The following PACRG variants were observed in gnomAD, a reference collection of about 807,000 sequenced individuals.
PACRG encodes parkin coregulated, also known as parkin coregulated gene protein.
Under a neutral mutation model 29.7 loss-of-function variants are expected in PACRG, and 29 were observed. That is an observed-to-expected ratio of 0.98 (90% CI 0.73 to 1.33). The LOEUF (loss-of-function observed/expected upper bound fraction) is 1.33, where lower values mean the gene tolerates loss of function less well. PACRG is among the 40% of genes most tolerant of loss of function. The probability of loss-of-function intolerance (pLI) is 0.00; values close to 1 mark genes in which losing one functional copy is unlikely to be tolerated. For synonymous variants in PACRG, 116 were observed against 118.7 expected (o/e 0.98, Z 0.15); for missense variants, 279 against 316.2 (o/e 0.88, Z 0.89).
chr6:163,073,537 A>T (rs1031782441), intron 3 of PACRG, among the ~76,000 whole-genome samples: 1 of 152,184 alleles, frequency 6.6e-6, no homozygotes, highest in Admixed American at 6.5e-5. Context: ...AATTTCTTGA[A>T]CAATACCTGA....
intron 2 of PACRG, among the ~76,000 whole-genome samples, chr6:162,822,141 A>G (rs568621954): frequency 2.6e-5 from 4 of 152,340 alleles, no homozygotes; most frequent in African/African-American, 7.2e-5. Flanking sequence ...ATACTGCCAC[A>G]GGAATTCTAA....
intron 2 of PACRG, among the ~76,000 whole-genome samples, chr6:162,889,103 T>C (rs1245803222): frequency 6.6e-6 from 1 of 152,196 alleles, no homozygotes; most frequent in East Asian, 1.9e-4. Flanking sequence ...AAAACTGGGT[T>C]GGATCAAGTA....
intron 2 of PACRG, among the ~76,000 whole-genome samples, chr6:163,036,611 GT>G (rs1808211227): frequency 6.6e-6 from 1 of 152,176 alleles, no homozygotes; most frequent in African/African-American, 2.4e-5. Flanking sequence ...TGGGATGCTG[GT>G]TCTCACTTGT....
chr6:162,965,003 C>T (rs1800913520), intron 2 of PACRG, among the ~76,000 whole-genome samples: 1 of 152,150 alleles, frequency 6.6e-6, no homozygotes, highest in African/African-American at 2.4e-5. Flanking sequence ...TTGGAACTCG[C>T]TGAGCTGTTA....
At chr6:162,838,173 A>G (rs907909291) in intron 2 of PACRG, among the ~76,000 whole-genome samples, 6 of 152,148 alleles carry the variant, frequency 3.9e-5, no homozygotes, top group Non-Finnish European at 8.8e-5. Context: ...ATAGGAGTTT[A>G]TGCCAACTGC....
intron 2 of PACRG, among the ~76,000 whole-genome samples, chr6:162,823,826 G>A (rs1046415395): frequency 6.6e-6 from 1 of 151,938 alleles, no homozygotes; most frequent in Admixed American, 6.6e-5. Context: ...GCTTTCTTAT[G>A]TTTTCTATTT....
intron 4 of PACRG, among the ~76,000 whole-genome samples, chr6:163,145,070 G>A (rs1389186114): frequency 6.6e-6 from 1 of 152,114 alleles, no homozygotes; most frequent in Non-Finnish European, 1.5e-5. Context: ...TTCTGGCTTG[G>A]AGACCACTGG....
intron 2 of PACRG, among the ~76,000 whole-genome samples, chr6:162,849,759 A>G (rs941880443): frequency 3.3e-5 from 5 of 152,236 alleles, no homozygotes; most frequent in African/African-American, 4.8e-5. Context: ...TCGATTTTTG[A>G]AATATCTAAA....
intron 4 of PACRG, among the ~76,000 whole-genome samples, chr6:163,243,124 G>C (rs915703693): frequency 9.9e-5 from 15 of 152,210 alleles, no homozygotes; most frequent in Admixed American, 2.6e-4. Context: ...GCAAGGCGTG[G>C]TCCAGGAGTC....
intron 1 of PACRG, among the ~76,000 whole-genome samples, chr6:162,799,388 C>T (rs1278550988): frequency 3.3e-5 from 5 of 152,044 alleles, no homozygotes; most frequent in Admixed American, 3.3e-4. Flanking sequence ...GTGGTGGAAA[C>T]TGTGGTGGAA....
chr6:162,928,693 A>G (rs1355929), intron 2 of PACRG, among the ~76,000 whole-genome samples: 81,943 of 151,740 alleles, frequency 0.54, 22,748 homozygotes, highest in Middle Eastern at 0.7. Context: ...CTACAGATCT[A>G]TCAAACTCCA....
chr6:162,877,932 C>T (rs754393910), intron 2 of PACRG, among the ~76,000 whole-genome samples: 5 of 152,180 alleles, frequency 3.3e-5, no homozygotes, highest in Admixed American at 6.5e-5. Context: ...TAGCAACGGT[C>T]ACCATGGTAA....
At chr6:162,776,833 A>G (rs993645722) in intron 1 of PACRG, among the ~76,000 whole-genome samples, 6 of 152,154 alleles carry the variant, frequency 3.9e-5, no homozygotes, top group Non-Finnish European at 7.4e-5. Flanking sequence ...AGGTAAAAAT[A>G]TTTGTGATTC....
intron 2 of PACRG, among the ~76,000 whole-genome samples, chr6:162,841,546 G>A (rs1490329609): frequency 6.6e-6 from 1 of 151,878 alleles, no homozygotes; most frequent in Admixed American, 6.6e-5. Flanking sequence ...CAAAAAACCA[G>A]CTCCTGGATT....
At chr6:163,112,603 G>A (rs897052533) in intron 4 of PACRG, among the ~76,000 whole-genome samples, 2 of 151,814 alleles carry the variant, frequency 1.3e-5, no homozygotes, top group African/African-American at 2.4e-5. Context: ...TGGAAACCAG[G>A]CATTTAAAAG....
chr6:163,087,230 G>C (rs1229157429), intron 3 of PACRG, among the ~76,000 whole-genome samples: 2 of 151,036 alleles, frequency 1.3e-5, no homozygotes, highest in East Asian at 2.0e-4. Flanking sequence ...AGACCAGAGA[G>C]AGAAGATGAG....
At chr6:163,129,371 G>T (rs910429570) in intron 4 of PACRG, among the ~76,000 whole-genome samples, 1 of 152,214 alleles carries the variant, frequency 6.6e-6, no homozygotes, top group African/African-American at 2.4e-5. Context: ...GAGATGGCAT[G>T]TACAGTACCT....
At chr6:162,779,393 C>T (rs1461839302) in intron 1 of PACRG, among the ~76,000 whole-genome samples, 2 of 152,158 alleles carry the variant, frequency 1.3e-5, no homozygotes, top group East Asian at 1.9e-4. Context: ...GCTGGGTTGA[C>T]CTGGTTACAA....
chr6:162,858,710 C>T (rs576191909), intron 2 of PACRG, among the ~76,000 whole-genome samples: 16 of 152,248 alleles, frequency 1.1e-4, no homozygotes, highest in African/African-American at 1.4e-4. Flanking sequence ...ATGCTCCAAT[C>T]GGTACAAACT....
Sources: allele counts gnomAD v4.1 joint callset (sites outside exome capture counted in the v4.1 genomes callset), GRCh38; gene constraint gnomAD v4.1.1; transcripts MANE v1.5; gene names NCBI Gene and HGNC (gene_info 2026-07-23, HGNC 2026-07-21).